SUPT3H: variants seen among roughly 807,000 people sequenced by gnomAD.
SUPT3H encodes transcription initiation protein SPT3 homolog.
Under a neutral mutation model 44.3 loss-of-function variants are expected in SUPT3H, and 44 were observed. The observed-to-expected ratio is 0.99, with a 90% CI of 0.78 to 1.28. SUPT3H has a LOEUF of 1.28. Ranked by LOEUF, SUPT3H falls within the 50% of genes most tolerant of loss-of-function variation. The probability of loss-of-function intolerance (pLI) is 0.00; values close to 1 mark genes in which losing one functional copy is unlikely to be tolerated. For missense variants in SUPT3H, 380 were observed against 387.1 expected, an observed-to-expected ratio of 0.98 and a Z score of 0.15; for synonymous variants, 124 against 125.6, an observed-to-expected ratio of 0.99 and a Z score of 0.09.
At chr6:44,981,699 T>C (rs1779109908) in intron 6 of SUPT3H, among the ~76,000 whole-genome samples, 1 of 152,138 alleles carries the variant, frequency 6.6e-6, no homozygotes, top group African/African-American at 2.4e-5. Context: ...TTCATCTCAC[T>C]GTGACTGAGT....
chr6:44,896,514 T>C (rs1268674493), intron 10 of SUPT3H, among the ~76,000 whole-genome samples: 2 of 152,126 alleles, frequency 1.3e-5, no homozygotes, highest in Non-Finnish European at 2.9e-5. Flanking sequence ...TGTTGTGAGA[T>C]GAAACAAAAT....
intron 6 of SUPT3H, among the ~76,000 whole-genome samples, chr6:44,971,965 G>A (rs905970137): frequency 9.9e-5 from 15 of 151,926 alleles, no homozygotes; most frequent in Admixed American, 3.3e-4. Context: ...TAGTAGAGAC[G>A]GGGTTTCACC....
intron 1 of SUPT3H, among the ~76,000 whole-genome samples, chr6:45,370,135 G>A (rs1259807831): frequency 1.3e-5 from 2 of 152,230 alleles, no homozygotes; most frequent in Non-Finnish European, 2.9e-5. Context: ...GGAAGCAAGA[G>A]TGCAATCAAG....
At chr6:45,111,057 G>A (rs1297228123) in intron 2 of SUPT3H, among the ~76,000 whole-genome samples, 2 of 141,766 alleles carry the variant, frequency 1.4e-5, no homozygotes, top group Admixed American at 7.3e-5. Flanking sequence ...TTTTGAGACA[G>A]AGTCTCACTC....
intron 6 of SUPT3H, among the ~76,000 whole-genome samples, chr6:44,978,064 T>C (rs1778586798): frequency 6.6e-6 from 1 of 152,192 alleles, no homozygotes; most frequent in South Asian, 2.1e-4. Flanking sequence ...TCGGTGGTAG[T>C]AGTAAATATT....
intron 6 of SUPT3H, among the ~76,000 whole-genome samples, chr6:44,988,481 C>A (rs1442161486): frequency 1.5e-4 from 14 of 94,898 alleles, no homozygotes; most frequent in African/African-American, 5.4e-4. Flanking sequence ...AAGGGCAATT[C>A]AAAAGGGAAA....
intron 2 of SUPT3H, among the ~76,000 whole-genome samples, chr6:45,161,001 TA>T (rs1366964452): frequency 1.3e-5 from 2 of 151,988 alleles, no homozygotes; most frequent in African/African-American, 4.8e-5. Context: ...GTCCTTGAAA[TA>T]GTGAGTTCAT....
intron 2 of SUPT3H, among the ~76,000 whole-genome samples, chr6:45,277,022 A>G (rs1777138957): frequency 6.6e-6 from 1 of 152,204 alleles, no homozygotes; most frequent in Non-Finnish European, 1.5e-5. Flanking sequence ...TATTACATAA[A>G]ACTCCTTATC....
chr6:45,195,440 T>C (rs1221947029), intron 2 of SUPT3H, among the ~76,000 whole-genome samples: 3 of 152,150 alleles, frequency 2.0e-5, no homozygotes, highest in Admixed American at 6.6e-5. Context: ...TGTGCTTCTA[T>C]ATCCAGTGGC....
intron 3 of SUPT3H, among the ~76,000 whole-genome samples, chr6:45,055,847 T>G (rs1455649382): frequency 1.3e-5 from 2 of 152,108 alleles, no homozygotes; most frequent in Admixed American, 1.3e-4. Flanking sequence ...GCCAAAAAGC[T>G]TCTGCACAGC....
At chr6:45,227,552 T>C (rs1034138141) in intron 2 of SUPT3H, among the ~76,000 whole-genome samples, 10 of 152,168 alleles carry the variant, frequency 6.6e-5, no homozygotes, top group African/African-American at 2.2e-4. Flanking sequence ...CAAAAAAGAC[T>C]ATTTATACTT....
At chr6:45,068,706 C>T (rs1272728605) in intron 3 of SUPT3H, among the ~76,000 whole-genome samples, 1 of 152,152 alleles carries the variant, frequency 6.6e-6, no homozygotes, top group Non-Finnish European at 1.5e-5. Flanking sequence ...TTGTTACTGT[C>T]ACTGTGTAGA....
At chr6:45,281,388 C>A (rs1483984265) in intron 2 of SUPT3H, among the ~76,000 whole-genome samples, 3 of 152,194 alleles carry the variant, frequency 2.0e-5, no homozygotes, top group African/African-American at 7.2e-5. Context: ...GGGTCATTCC[C>A]ACCCTAATAC....
chr6:44,862,771 G>A (rs763094494), intron 10 of SUPT3H, among the ~76,000 whole-genome samples: 3 of 151,814 alleles, frequency 2.0e-5, no homozygotes, highest in Non-Finnish European at 4.4e-5. Flanking sequence ...CATGGGCAAG[G>A]CCCTTCTCTT....
chr6:45,303,168 C>G (rs1782425596), intron 2 of SUPT3H, among the ~76,000 whole-genome samples: 1 of 152,032 alleles, frequency 6.6e-6, no homozygotes, highest in Non-Finnish European at 1.5e-5. Context: ...TAAAAATACT[C>G]AAAGATAACA....
At chr6:45,050,936 GT>G (rs1418353592) in intron 3 of SUPT3H, among the ~76,000 whole-genome samples, 2 of 141,106 alleles carry the variant, frequency 1.4e-5, no homozygotes, top group East Asian at 4.4e-4. Flanking sequence ...CCAGGCTGGA[GT>G]GCAGTGGCAT....
At chr6:45,297,076 T>TA (rs1274777425) in intron 2 of SUPT3H, among the ~76,000 whole-genome samples, 18 of 108,482 alleles carry the variant, frequency 1.7e-4, no homozygotes, top group East Asian at 5.8e-4. Flanking sequence ...GGAAATAAAT[T>TA]TAAAAAAAAA....
chr6:44,973,944 C>T (rs575127517), intron 6 of SUPT3H, among the ~76,000 whole-genome samples: 9 of 152,118 alleles, frequency 5.9e-5, no homozygotes, highest in Non-Finnish European at 1.2e-4. Flanking sequence ...TCCCACGACA[C>T]GTGAGGATTA....
At chr6:44,987,036 AG>A (rs1446845088) in intron 6 of SUPT3H, among the ~76,000 whole-genome samples, 1 of 152,106 alleles carries the variant, frequency 6.6e-6, no homozygotes, top group East Asian at 1.9e-4. Context: ...TGAAGGCTAG[AG>A]GTTCAACATC....
Sources: gnomAD v4.1 joint callset for allele counts (sites outside exome capture counted in the v4.1 genomes callset) on GRCh38, gnomAD v4.1.1 for gene constraint, MANE v1.5 for transcripts, NCBI Gene and HGNC (gene_info 2026-07-23, HGNC 2026-07-21) for gene names.